The following MGAM variants were observed in gnomAD, a reference collection of about 807,000 sequenced individuals.
MGAM encodes the protein maltase-glucoamylase.
Under a neutral mutation model 358.8 loss-of-function variants are expected in MGAM, and 253 were observed. The ratio of observed to expected loss-of-function variants is 0.71; its 90% CI spans 0.64 to 0.78. MGAM has a LOEUF of 0.78. MGAM is among the 30% of genes least tolerant of loss of function. MGAM has a pLI of 0.00. For missense variants in MGAM, 3,080 were observed against 3,432.6 expected, an observed-to-expected ratio of 0.90 and a Z score of 2.57; for synonymous variants, 1,105 against 1,227.1, an observed-to-expected ratio of 0.90 and a Z score of 2.08.
intron 24 of MGAM, among the ~76,000 whole-genome samples, chr7:142,052,067 A>C (rs917324592): frequency 1.3e-5 from 2 of 152,134 alleles, no homozygotes; most frequent in Non-Finnish European, 2.9e-5. Context: ...AACTGTTTTC[A>C]TTATGCTAAG....
intron 14 of MGAM, among the ~76,000 whole-genome samples, 188 bp downstream of exon 14, chr7:142,033,097 C>T (rs1554464415): frequency 1.3e-5 from 2 of 152,100 alleles, no homozygotes; most frequent in African/African-American, 4.8e-5. Flanking sequence ...CTAAAACATG[C>T]ACAAATTCAA....
intron 43 of MGAM, among the ~76,000 whole-genome samples, chr7:142,069,449 C>T (rs113385446): frequency 5.5e-5 from 8 of 145,610 alleles, no homozygotes; most frequent in Admixed American, 2.1e-4. Context: ...GTATTTCCTT[C>T]GTTTCTAACT....
chr7:142,103,493 T>C, intron 70 of MGAM, 54 bp downstream of exon 70: 6 of 1,450,614 alleles, frequency 4.1e-6, no homozygotes, highest in Non-Finnish European at 5.5e-6. Flanking sequence ...ATATGCCTAG[T>C]GCAGTGCCTG....
In MGAM at chr7:142,060,297, A is replaced by G. The variant is rs1563180260; in HGVS notation, c.4060-14A>G. On this transcript the variant is annotated splice_polypyrimidine_tract_variant and intron_variant, in intron 33 of 70. Transcript: ENST00000475668. Reference sequence around the variant, plus strand: ...TGTCTAGTGCATCGCTACTGAACGTATTTCTCTCCATAGGTCTGGCCTGAT... The same window carrying G: ...TGTCTAGTGCATCGCTACTGAACGTGTTTCTCTCCATAGGTCTGGCCTGAT... 4.3e-6 allele frequency: 7 copies of G among 1,613,524 alleles called. No homozygotes were observed. Among genetic ancestry groups the G allele is most frequent in the Admixed American group, 1.7e-5 (1 of 60,026 alleles).
At chr7:142,030,208 G>A in intron 10 of MGAM, 154 bp from the exon 11 acceptor site, 1 of 801,720 alleles carries the variant, frequency 1.2e-6, no homozygotes, top group Non-Finnish European at 1.9e-6. Context: ...AATCAACATT[G>A]GAAAAGAAGT....
At chr7:142,041,201 C>A (rs1285915198) in intron 21 of MGAM, among the ~76,000 whole-genome samples, 1 of 152,060 alleles carries the variant, frequency 6.6e-6, no homozygotes, top group Non-Finnish European at 1.5e-5. Context: ...TTATGCAAAC[C>A]TCAAATCTCC....
At chr7:142,094,299 A>G (rs1815674934) in intron 60 of MGAM, 65 bp from the exon 61 acceptor site, 1 of 1,473,864 alleles carries the variant, frequency 6.8e-7, no homozygotes, top group Non-Finnish European at 9.2e-7. Flanking sequence ...CTCTGGGAGC[A>G]GATGCTCTAT....
chr7:142,042,671 T>C (rs1584979121), intron 21 of MGAM, among the ~76,000 whole-genome samples: 11 of 34,184 alleles, frequency 3.2e-4, no homozygotes, highest in South Asian at 1.9e-3. Context: ...ACATATTATA[T>C]ATAATATATA....
intron 2 of MGAM, among the ~76,000 whole-genome samples, chr7:141,987,287 G>GTGGGTTTGAATGTT (rs1232223828): frequency 2.6e-5 from 4 of 152,212 alleles, no homozygotes; most frequent in Non-Finnish European, 4.4e-5. Flanking sequence ...TTTTCCTTCT[G>GTGGGTTTGAATGTT]TGGGTTTGAA....
rs1169212180 is a variant in MGAM at position 142,095,683 on chromosome 7, G to T, written c.7577G>T (p.Gly2526Val). The T allele has an allele frequency of 2.0e-5, 32 of 1,613,886 alleles. No individual in the cohort carries two copies. Among genetic ancestry groups the T allele is most frequent in the Non-Finnish European group, 2.4e-5 (28 of 1,179,898 alleles). The change falls in exon 64 of 71, where the codon GGC becomes GTC. Residue 2526 changes from glycine (G) to valine (V), a missense_variant. Physicochemically the swap from Gly to Val is moderately radical, Grantham distance 109. This residue lies in a region of MGAM where 932 missense variants were observed against 1,198.2 expected (regional missense o/e 0.78). Coordinates refer to ENST00000475668, the MANE Select transcript of MGAM (RefSeq NM_001365693.1). ...TTGATGCATAAGGCCCACACGGAGG[G>T]CGTCACTGTTGTGCGGCCTCTGCTC... ...YTLMHKAHTE[G>V]VTVVRPLLHE...
At chr7:142,068,547 C>T (rs1332081130) in intron 42 of MGAM, 100 bp from the exon 43 acceptor site, 1 of 973,000 alleles carries the variant, frequency 1.0e-6, no homozygotes, top group East Asian at 2.5e-5. Context: ...GCAGCTGGGT[C>T]CAAAGCCATC....
rs1489727513 is a variant in MGAM, at chr7:142,086,920, A to G, written c.6810+203A>G. Among the ~76,000 whole-genome samples, 2 of 98,782 alleles carry G rather than the reference A, an allele frequency of 2.0e-5. 1 individual carries two copies. The highest frequency in any genetic ancestry group is 4.4e-5 in the Non-Finnish European group (2 of 45,196). 64.8% of individuals were successfully genotyped at this position (98,782 alleles called of 152,430 possible). A position where few individuals can be genotyped will look rare whatever the true frequency, so the allele number is the denominator to read the frequency against. The stretch of plus-strand genomic sequence containing the variant: ...GGCCACTGGGATGTAGACATGTATT[A>G]TTATCCTTGGGATTTAAGACCAGAG... On this transcript the variant is annotated intron_variant, in intron 57 of 70. Transcript: ENST00000475668.
intron 4 of MGAM, among the ~76,000 whole-genome samples, chr7:142,020,499 G>T (rs1806340331): frequency 6.6e-6 from 1 of 151,568 alleles, no homozygotes; most frequent in Non-Finnish European, 1.5e-5. Flanking sequence ...GCCATAGATA[G>T]TATGTGCGTA....
At chr7:141,990,421 C>G (rs1803897299) in intron 2 of MGAM, among the ~76,000 whole-genome samples, 1 of 152,138 alleles carries the variant, frequency 6.6e-6, no homozygotes, top group South Asian at 2.1e-4. Flanking sequence ...CTGAAAGAAG[C>G]AGATAATCCA....
chr7:142,001,823 T>G (rs1804761080), intron 1 of MGAM, among the ~76,000 whole-genome samples: 1 of 152,220 alleles, frequency 6.6e-6, no homozygotes, highest in South Asian at 2.1e-4. Flanking sequence ...AACATTCTGT[T>G]TCTTACCCAG....
At chr7:142,042,829 ATCTATAT>A (rs1563149184) in intron 21 of MGAM, among the ~76,000 whole-genome samples, 13 of 46,668 alleles carry the variant, frequency 2.8e-4, no homozygotes, top group Admixed American at 9.6e-4. Context: ...TAAATATAAT[ATCTATAT>A]TATATATACA....
chr7:142,040,210 T>C lies in MGAM; in HGVS notation c.2373+39T>C, dbSNP rs1248372764. On this transcript the variant is annotated intron_variant, in intron 20 of 70. Transcript: ENST00000475668. ...ACTTTTCTTCTACTCCTTAAGACTG[T>C]AGCTGCAGCTGCATAGACAAGCTAC... is the stretch of plus-strand genomic sequence containing the variant. 12 of 1,484,416 alleles carry C rather than the reference T, an allele frequency of 8.1e-6. No individual in the cohort carries two copies. In the African/African-American group the frequency reaches 8.3e-5, roughly 10 times the overall value. The allele number at this position is 1,484,416 out of a possible 1,614,324, so 92.0% of individuals were successfully genotyped here.
chr7:142,034,510 A>G, intron 15 of MGAM, 131 bp downstream of exon 15: 3 of 953,048 alleles, frequency 3.1e-6, no homozygotes, highest in Non-Finnish European at 4.7e-6. Context: ...AAAACATTTA[A>G]TGATACAGAA....
chr7:142,094,166 G>C (rs1352501366), intron 60 of MGAM, among the ~76,000 whole-genome samples, 198 bp from the exon 61 acceptor site: 6 of 146,174 alleles, frequency 4.1e-5, no homozygotes, highest in Admixed American at 2.8e-4. Flanking sequence ...GAAGTTCTTT[G>C]TAAAGCACTG....
Sources: allele counts gnomAD v4.1 joint callset (sites outside exome capture counted in the v4.1 genomes callset), GRCh38; gene constraint gnomAD v4.1.1; regional missense constraint gnomAD v4.1.1; transcripts MANE v1.5; gene names NCBI Gene and HGNC (gene_info 2026-07-23, HGNC 2026-07-21).